Variants in TFEB observed in about 807,000 individuals in gnomAD.
TFEB encodes the protein T-cell transcription factor EB.
A neutral mutation model predicts 48.0 loss-of-function variants in TFEB; 12 were observed. The ratio of observed to expected loss-of-function variants is 0.25; its 90% CI spans 0.16 to 0.40. TFEB has a LOEUF of 0.40. TFEB is among the 10% of genes least tolerant of loss of function. TFEB has a pLI of 1.00. For synonymous variants in TFEB, 244 were observed against 261.4 expected (o/e 0.93, Z 0.64); for missense variants, 509 against 640.3 (o/e 0.79, Z 2.21).
In TFEB at chr6:41,715,967, C is replaced by T. The variant is rs111714963; in HGVS notation, c.-23+19383G>A. ...ACTTCCTCTGAGCCCCACTGCAAGC[C>T]TCATCTCACTCAAAGAAAAGCTGAG... On this transcript the variant is annotated intron_variant, in intron 1 of 8. Transcript: ENST00000373033. Among the ~76,000 whole-genome samples, 722 of 152,252 alleles carry T rather than the reference C, an allele frequency of 4.7e-3. 6 individuals are homozygous for T. The highest frequency in any genetic ancestry group is 0.016 in the African/African-American group (648 of 41,528).
rs1161585955 is a variant in TFEB, at chr6:41,720,055, T to C, written c.-23+15295A>G. ...ATGTGACCTGTCATTAAACACCACA[T>C]TCTACTGTGGGAGCTCATGCCTGAG... On this transcript the variant is annotated intron_variant, in intron 1 of 8. Coordinates refer to ENST00000373033, the MANE Select transcript of TFEB (RefSeq NM_001271944.2). This position sits in a 1 kb window ranked among gnomAD's most constrained non-coding sequence, Gnocchi z 4.1. Among the ~76,000 whole-genome samples, 2 of 152,180 alleles carry C rather than the reference T, an allele frequency of 1.3e-5. No individual in the cohort carries two copies. The highest frequency in any genetic ancestry group is 2.9e-5 in the Non-Finnish European group (2 of 68,024).
At chr6:41,718,297 C>T (rs1770824369) in intron 1 of TFEB, among the ~76,000 whole-genome samples, 1 of 152,134 alleles carries the variant, frequency 6.6e-6, no homozygotes, top group Non-Finnish European at 1.5e-5. Flanking sequence ...CAGCCTCAAC[C>T]TCCCAGGCTC....
intron 1 of TFEB, among the ~76,000 whole-genome samples, chr6:41,699,668 C>A (rs1769791968): frequency 1.3e-5 from 2 of 152,208 alleles, no homozygotes; most frequent in South Asian, 4.1e-4. Context: ...TCCTGGCACA[C>A]TGGAGATACT....
At chr6:41,712,570 G>A (rs1445181332) in intron 1 of TFEB, among the ~76,000 whole-genome samples, 1 of 152,154 alleles carries the variant, frequency 6.6e-6, no homozygotes, top group East Asian at 1.9e-4. Context: ...AAAGGTCCTG[G>A]TACCCCACCC....
At position 41,722,169 on chromosome 6, in the gene TFEB, G is replaced by A. The variant is rs902082347; in HGVS notation, c.-23+13181C>T. ...TAATTTTTTGTATTTTAGTAGGGAC[G>A]GGGTTTCACCATGTTGGCCAGGCTG... is the stretch of plus-strand genomic sequence containing the variant. On this transcript the variant is annotated intron_variant, in intron 1 of 8. Transcript: ENST00000373033. 4.6e-5 allele frequency among the ~76,000 whole-genome samples: 7 copies of A among 152,194 alleles called. 1 individual carries two copies. The highest frequency in any genetic ancestry group is 2.6e-4 in the Admixed American group (4 of 15,298).
In TFEB at chr6:41,688,095, C is replaced by T. The variant is rs374674754; in HGVS notation, c.550-67G>A. The T allele has an allele frequency of 2.6e-4, 404 of 1,553,120 alleles. 1 individual carries two copies. Among genetic ancestry groups the T allele is most frequent in the South Asian group, 1.7e-3 (147 of 84,836 alleles). ...CTCCACGGGGAGCCCCCTCTAGGGCCTATCATCCCAGGAGCAGTCCTTCCT... is the reference window on the plus strand; with the variant it reads ...CTCCACGGGGAGCCCCCTCTAGGGCTTATCATCCCAGGAGCAGTCCTTCCT... On this transcript the variant is annotated intron_variant, in intron 4 of 8. Coordinates refer to ENST00000373033, the MANE Select transcript of TFEB (RefSeq NM_001271944.2).
chr6:41,724,043 G>C lies in TFEB; in HGVS notation c.-23+11307C>G. 2.3e-6 allele frequency: 1 copy of C among 429,492 alleles called. No individual in the cohort carries two copies. The highest frequency in any genetic ancestry group is 4.7e-6 in the Non-Finnish European group (1 of 213,136). The allele number at this position is 429,492 out of a possible 1,614,324, so 26.6% of individuals were successfully genotyped here. A position where few individuals can be genotyped will look rare whatever the true frequency, so the allele number is the denominator to read the frequency against. Reference sequence around the variant, plus strand: ...CCTTCCCAGGGCCTCCAGACACCCAGGTCGAGGCCGTACTACAGCCCACCT... The same window carrying C: ...CCTTCCCAGGGCCTCCAGACACCCACGTCGAGGCCGTACTACAGCCCACCT... On this transcript the variant is annotated intron_variant, in intron 1 of 8. Transcript: ENST00000373033. The surrounding 1 kb of genome is among the most constrained non-coding windows in gnomAD (Gnocchi z 4.4).
intron 1 of TFEB, among the ~76,000 whole-genome samples, chr6:41,706,201 A>G (rs1770211917): frequency 1.3e-5 from 2 of 152,180 alleles, no homozygotes; most frequent in Admixed American, 1.3e-4. Flanking sequence ...GCCTGCCCCA[A>G]CTGTCCCCTT....
At chr6:41,687,007 G>A in intron 7 of TFEB, 87 bp downstream of exon 7, 1 of 1,125,204 alleles carries the variant, frequency 8.9e-7, no homozygotes, top group Non-Finnish European at 1.4e-6. Flanking sequence ...TCCCATCCTA[G>A]TAACTAGCAT....
intron 1 of TFEB, among the ~76,000 whole-genome samples, chr6:41,706,958 C>A (rs1770255563): frequency 6.6e-6 from 1 of 152,118 alleles, no homozygotes; most frequent in African/African-American, 2.4e-5. Flanking sequence ...GTGTGTTGAA[C>A]TCTGCATGTG....
intron 4 of TFEB, among the ~76,000 whole-genome samples, 179 bp downstream of exon 4, chr6:41,689,552 A>G (rs368610212): frequency 1.3e-5 from 2 of 152,184 alleles, no homozygotes; most frequent in South Asian, 2.1e-4. Context: ...TTCTTGCTTC[A>G]TAATTCCTCT....
chr6:41,725,591 C>T (rs1421377536), intron 1 of TFEB, among the ~76,000 whole-genome samples: 1 of 152,196 alleles, frequency 6.6e-6, no homozygotes, highest in Non-Finnish European at 1.5e-5. Flanking sequence ...ACATGCCAAC[C>T]CCCTTCCTGG....
At chr6:41,689,389 C>T (rs991722367) in intron 4 of TFEB, among the ~76,000 whole-genome samples, 2 of 152,154 alleles carry the variant, frequency 1.3e-5, no homozygotes, top group Non-Finnish European at 2.9e-5. Flanking sequence ...CACACCTTCC[C>T]ATAGACACAC....
chr6:41,687,070 C>G, intron 7 of TFEB, 24 bp downstream of exon 7: 1 of 1,611,760 alleles, frequency 6.2e-7, no homozygotes, highest in Non-Finnish European at 8.5e-7. Context: ...GACCCATCAC[C>G]CTCCCCCTCA....
chr6:41,722,845 G>C (rs184909651), intron 1 of TFEB, among the ~76,000 whole-genome samples: 74 of 152,292 alleles, frequency 4.9e-4, no homozygotes, highest in African/African-American at 1.7e-3. Flanking sequence ...TTAGTGGGAG[G>C]CTGGCTCTAT....
chr6:41,734,710 G>A lies in TFEB; in HGVS notation c.-23+640C>T, dbSNP rs1197510377. Among the ~76,000 whole-genome samples, 4 of 151,818 alleles carry A rather than the reference G, an allele frequency of 2.6e-5. No homozygotes were observed. Among genetic ancestry groups the A allele is most frequent in the Non-Finnish European group, 5.9e-5 (4 of 67,892 alleles). On this transcript the variant is annotated intron_variant, in intron 1 of 8. Coordinates refer to ENST00000373033, the MANE Select transcript of TFEB (RefSeq NM_001271944.2). The surrounding 1 kb of genome is among the most constrained non-coding windows in gnomAD (Gnocchi z 4.0). ...CCACGGGGAGAAAGAGACTGCCCAG[G>A]GACTCGAGGGGACGGGGCCAGGGGC... is the stretch of plus-strand genomic sequence containing the variant.
chr6:41,709,501 A>G (rs1253201622), intron 1 of TFEB, among the ~76,000 whole-genome samples: 2 of 152,066 alleles, frequency 1.3e-5, no homozygotes, highest in African/African-American at 4.8e-5. Flanking sequence ...GGATGGGTGG[A>G]TGCATGAAAA....
intron 3 of TFEB, among the ~76,000 whole-genome samples, 169 bp downstream of exon 3, chr6:41,690,492 CTG>C (rs1476493151): frequency 1.3e-5 from 2 of 152,194 alleles, no homozygotes; most frequent in Non-Finnish European, 2.9e-5. Flanking sequence ...GAGGGCAGGG[CTG>C]TGTCTTCCCC....
intron 4 of TFEB, among the ~76,000 whole-genome samples, chr6:41,689,468 C>CA (rs1276977493): frequency 2.0e-5 from 3 of 152,242 alleles, no homozygotes; most frequent in Non-Finnish European, 4.4e-5. Flanking sequence ...AAGCTCCCCC[C>CA]ACAGGCCCAC....
Sources: allele counts gnomAD v4.1 joint callset (sites outside exome capture counted in the v4.1 genomes callset), GRCh38; gene constraint gnomAD v4.1.1; non-coding constraint Gnocchi (gnomAD v3.1); transcripts MANE v1.5; gene names NCBI Gene and HGNC (gene_info 2026-07-23, HGNC 2026-07-21).